The following PDE11A variants were observed in gnomAD, a reference collection of about 807,000 sequenced individuals.
PDE11A encodes the protein dual 3',5'-cyclic-AMP and -GMP phosphodiesterase 11A.
PDE11A carries 100 observed loss-of-function variants against 100.5 expected under a neutral mutation model. The ratio of observed to expected loss-of-function variants is 1.00; its 90% CI spans 0.85 to 1.18. The LOEUF (loss-of-function observed/expected upper bound fraction) is 1.18, where lower values mean the gene tolerates loss of function less well. Among genes scored for constraint, PDE11A ranks in the 50% most tolerant of loss-of-function variants. The pLI is 0.00. For synonymous variants in PDE11A, 381 were observed against 420.8 expected (o/e 0.91, Z 1.16); for missense variants, 1,141 against 1,152.6 (o/e 0.99, Z 0.15).
intron 2 of PDE11A, among the ~76,000 whole-genome samples, chr2:177,999,050 A>C (rs1195476373): frequency 6.6e-6 from 1 of 152,230 alleles, no homozygotes. Context: ...TAAGAATAGC[A>C]AAACGCCCAT....
intron 19 of PDE11A, among the ~76,000 whole-genome samples, chr2:177,651,496 G>A (rs1444783173): frequency 1.3e-5 from 2 of 152,134 alleles, no homozygotes; most frequent in Non-Finnish European, 2.9e-5. Context: ...ACGAGCCAGT[G>A]GTGATCACCA....
At chr2:177,631,376 G>C in intron 19 of PDE11A, among the ~76,000 whole-genome samples, 1 of 144,236 alleles carries the variant, frequency 6.9e-6, no homozygotes, top group Non-Finnish European at 1.5e-5. Context: ...AGCTACTTGG[G>C]AGGCTGAGGC....
intron 9 of PDE11A, chr2:177,797,194 C>T (rs1197873187): frequency 6.6e-6 from 1 of 152,188 alleles, no homozygotes; most frequent in East Asian, 1.9e-4. Flanking sequence ...TCAGGGCAGC[C>T]AAGGGCTCCA....
At chr2:177,794,904 A>G (rs2082683985) in intron 9 of PDE11A, among the ~76,000 whole-genome samples, 1 of 151,826 alleles carries the variant, frequency 6.6e-6, no homozygotes, top group Non-Finnish European at 1.5e-5. Flanking sequence ...TCCTGCCTCA[A>G]TCTCCCAAGT....
chr2:177,653,215 C>T (rs972233000), intron 19 of PDE11A, among the ~76,000 whole-genome samples: 8 of 152,150 alleles, frequency 5.3e-5, no homozygotes, highest in Admixed American at 2.0e-4. Context: ...GGTGCAGAGT[C>T]GTAGGGCATC....
chr2:177,742,284 C>T (rs2081883398), intron 10 of PDE11A, among the ~76,000 whole-genome samples: 1 of 151,986 alleles, frequency 6.6e-6, no homozygotes, highest in African/African-American at 2.4e-5. Context: ...GAAAGATTTT[C>T]CCTTCTCGGG....
At chr2:177,915,089 T>C (rs971236311) in intron 2 of PDE11A, among the ~76,000 whole-genome samples, 7 of 152,174 alleles carry the variant, frequency 4.6e-5, no homozygotes, top group African/African-American at 1.7e-4. Context: ...AAGTGGAAAG[T>C]ACAAGGATTT....
chr2:177,646,104 T>G (rs530825840), intron 19 of PDE11A, among the ~76,000 whole-genome samples: 35 of 152,334 alleles, frequency 2.3e-4, no homozygotes, highest in African/African-American at 7.5e-4. Flanking sequence ...TCTTTTTGGA[T>G]TAACTGCATT....
chr2:177,914,644 C>A (rs2084926950), intron 2 of PDE11A, among the ~76,000 whole-genome samples: 1 of 152,136 alleles, frequency 6.6e-6, no homozygotes. Flanking sequence ...ATGCAGGAAG[C>A]TACACAATAG....
At chr2:177,660,068 T>C (rs1340270724) in intron 19 of PDE11A, among the ~76,000 whole-genome samples, 1 of 17,328 alleles carries the variant, frequency 5.8e-5, no homozygotes, top group Admixed American at 6.9e-4. Flanking sequence ...TCTTTCTTTC[T>C]TTCTTTCTTT....
intron 10 of PDE11A, among the ~76,000 whole-genome samples, chr2:177,743,471 T>TG (rs1479262165): frequency 6.6e-6 from 1 of 152,170 alleles, no homozygotes; most frequent in Non-Finnish European, 1.5e-5. Context: ...GTGCAAGCAT[T>TG]GGATGACAGG....
At chr2:177,691,198 T>C (rs2081035850) in intron 15 of PDE11A, among the ~76,000 whole-genome samples, 1 of 152,186 alleles carries the variant, frequency 6.6e-6, no homozygotes, top group Non-Finnish European at 1.5e-5. Context: ...GGATCAGTGC[T>C]AAACTGTTTA....
chr2:177,779,071 T>C (rs1410067213), intron 9 of PDE11A, among the ~76,000 whole-genome samples: 1 of 152,214 alleles, frequency 6.6e-6, no homozygotes, highest in Non-Finnish European at 1.5e-5. Context: ...CTCAATAAAG[T>C]GAATGTAGCA....
intron 18 of PDE11A, among the ~76,000 whole-genome samples, chr2:177,667,213 TG>T (rs1456803896): frequency 6.6e-6 from 1 of 152,098 alleles, no homozygotes; most frequent in Non-Finnish European, 1.5e-5. Context: ...CACTCCTGGC[TG>T]TTCAATTTAA....
intron 2 of PDE11A, among the ~76,000 whole-genome samples, chr2:178,096,083 T>C (rs2087484919): frequency 6.6e-6 from 1 of 152,156 alleles, no homozygotes; most frequent in Non-Finnish European, 1.5e-5. Flanking sequence ...CTTAACATTG[T>C]CTTGGCAATT....
intron 10 of PDE11A, among the ~76,000 whole-genome samples, chr2:177,744,797 T>C (rs943616534): frequency 8.5e-5 from 13 of 152,202 alleles, no homozygotes; most frequent in African/African-American, 3.1e-4. Context: ...TGGGTTGATA[T>C]ATGCTCTCTC....
intron 1 of PDE11A, among the ~76,000 whole-genome samples, chr2:178,052,362 C>T (rs553066277): frequency 6.6e-6 from 1 of 152,306 alleles, no homozygotes; most frequent in South Asian, 2.1e-4. Flanking sequence ...ACATTTAAAG[C>T]AGTGTGTAGA....
intron 15 of PDE11A, among the ~76,000 whole-genome samples, chr2:177,683,938 G>C (rs1365913779): frequency 1.3e-5 from 2 of 152,082 alleles, no homozygotes; most frequent in African/African-American, 4.8e-5. Flanking sequence ...GAGAAATTGA[G>C]ATAAGGTGCA....
chr2:178,086,598 A>G (rs919313408), intron 2 of PDE11A, among the ~76,000 whole-genome samples: 1 of 152,248 alleles, frequency 6.6e-6, no homozygotes, highest in African/African-American at 2.4e-5. Context: ...CCAAATACTT[A>G]TCAAAAAAGG....
Sources: gnomAD v4.1 joint callset for allele counts (sites outside exome capture counted in the v4.1 genomes callset) on GRCh38, gnomAD v4.1.1 for gene constraint, MANE v1.5 for transcripts, NCBI Gene and HGNC (gene_info 2026-07-23, HGNC 2026-07-21) for gene names.